The following INPP4B variants were observed in gnomAD, a reference collection of about 807,000 sequenced individuals.
The protein encoded by INPP4B is inositol polyphosphate-4-phosphatase type II B.
INPP4B carries 55 observed loss-of-function variants against 122.5 expected under a neutral mutation model. The observed-to-expected ratio is 0.45, with a 90% CI of 0.36 to 0.56. INPP4B has a LOEUF of 0.56. INPP4B is among the 20% of genes least tolerant of loss of function. INPP4B has a pLI of 0.00. For missense variants in INPP4B, 1,000 were observed against 1,097.7 expected, an observed-to-expected ratio of 0.91 and a Z score of 1.26; for synonymous variants, 403 against 388.7, an observed-to-expected ratio of 1.04 and a Z score of -0.43.
At chr4:142,348,444 T>C (rs1780958168) in intron 7 of INPP4B, among the ~76,000 whole-genome samples, 1 of 152,032 alleles carries the variant, frequency 6.6e-6, no homozygotes, top group Non-Finnish European at 1.5e-5. Flanking sequence ...CAAATCAGGT[T>C]AATTACTGAG....
At chr4:142,199,499 T>A (rs1316925412) in intron 14 of INPP4B, among the ~76,000 whole-genome samples, 1 of 152,072 alleles carries the variant, frequency 6.6e-6, no homozygotes, top group Non-Finnish European at 1.5e-5. Flanking sequence ...TAACTTTTAA[T>A]ATGCTGTCTA....
chr4:142,163,707 C>G (rs1221016201), intron 16 of INPP4B, among the ~76,000 whole-genome samples: 1 of 151,716 alleles, frequency 6.6e-6, no homozygotes, highest in Non-Finnish European at 1.5e-5. Flanking sequence ...TTGGTACTAT[C>G]AGGGGTTTCA....
intron 1 of INPP4B, among the ~76,000 whole-genome samples, chr4:142,737,410 T>G (rs1002378571): frequency 6.6e-6 from 1 of 152,204 alleles, no homozygotes; most frequent in African/African-American, 2.4e-5. Flanking sequence ...GCTAGCTATA[T>G]GTAGAAAGCT....
At chr4:142,120,149 A>C (rs1236960971) in intron 21 of INPP4B, among the ~76,000 whole-genome samples, 2 of 152,020 alleles carry the variant, frequency 1.3e-5, no homozygotes, top group African/African-American at 2.4e-5. Context: ...AAATCAATTG[A>C]CTTTAAAGAT....
At chr4:142,161,257 G>A (rs1052492855) in intron 16 of INPP4B, among the ~76,000 whole-genome samples, 23 of 152,050 alleles carry the variant, frequency 1.5e-4, no homozygotes, top group African/African-American at 3.9e-4. Context: ...TACCTAGTAC[G>A]TACTATAGCA....
At chr4:142,670,137 T>G (rs1056098917) in intron 2 of INPP4B, among the ~76,000 whole-genome samples, 3 of 152,154 alleles carry the variant, frequency 2.0e-5, no homozygotes, top group Non-Finnish European at 4.4e-5. Context: ...AGTCACCTAG[T>G]AGCCATCTAA....
intron 1 of INPP4B, among the ~76,000 whole-genome samples, chr4:142,840,205 G>T (rs1365783198): frequency 6.6e-6 from 1 of 152,108 alleles, no homozygotes; most frequent in Non-Finnish European, 1.5e-5. Flanking sequence ...GACATTAGGG[G>T]ATCTGCTGAA....
chr4:142,705,644 T>C (rs1475527710), intron 2 of INPP4B, among the ~76,000 whole-genome samples: 3 of 152,152 alleles, frequency 2.0e-5, no homozygotes, highest in African/African-American at 4.8e-5. Context: ...AAGGCAGAGA[T>C]TGATTCCTAC....
chr4:142,319,942 T>C (rs373337838), intron 7 of INPP4B, among the ~76,000 whole-genome samples: 12 of 152,164 alleles, frequency 7.9e-5, no homozygotes, highest in East Asian at 5.8e-4. Context: ...TCCACTCAAA[T>C]CTCACGAGGC....
chr4:142,373,663 G>T (rs1271014113), intron 7 of INPP4B, among the ~76,000 whole-genome samples: 3 of 151,946 alleles, frequency 2.0e-5, no homozygotes, highest in African/African-American at 7.2e-5. Flanking sequence ...AAGGCCTAGA[G>T]AAATGTGTCT....
chr4:142,271,638 T>A (rs1353842743), intron 9 of INPP4B, among the ~76,000 whole-genome samples: 1 of 152,128 alleles, frequency 6.6e-6, no homozygotes, highest in Non-Finnish European at 1.5e-5. Flanking sequence ...AAGCAGAACA[T>A]AACCCAAAGC....
At chr4:142,580,528 G>A (rs547542715) in intron 2 of INPP4B, among the ~76,000 whole-genome samples, 4 of 152,060 alleles carry the variant, frequency 2.6e-5, no homozygotes, top group South Asian at 2.1e-4. Context: ...GACTTCACAC[G>A]ACAGCTGTGG....
At chr4:142,311,051 T>A (rs143841542) in intron 8 of INPP4B, among the ~76,000 whole-genome samples, 1 of 151,858 alleles carries the variant, frequency 6.6e-6, no homozygotes, top group African/African-American at 2.4e-5. Flanking sequence ...TAAACTCCTT[T>A]AAAAAAAATT....
intron 1 of INPP4B, among the ~76,000 whole-genome samples, chr4:142,731,877 C>A (rs1489832678): frequency 5.9e-5 from 9 of 152,048 alleles, no homozygotes; most frequent in African/African-American, 2.2e-4. Context: ...AAAATTGCAT[C>A]ATCTCAATAG....
At chr4:142,586,949 A>G (rs1044116702) in intron 2 of INPP4B, among the ~76,000 whole-genome samples, 1 of 152,176 alleles carries the variant, frequency 6.6e-6, no homozygotes, top group Admixed American at 6.6e-5. Flanking sequence ...ATTCTGAAAT[A>G]TGGTGGAAGT....
rs193302420 is a variant in INPP4B at position 142,533,478 on chromosome 4, A to T, written c.-190-70752T>A. On this transcript the variant is annotated intron_variant, in intron 2 of 25. Coordinates refer to ENST00000262992, the MANE Select transcript of INPP4B (RefSeq NM_001101669.3). ...TATAAAAAATATTTATTTTTTTTTT[A>T]AAAATAATGCTGAGCTTTATAATAC... is the stretch of plus-strand genomic sequence containing the variant. Among the ~76,000 whole-genome samples, 1,122 of 151,826 alleles carry T rather than the reference A, an allele frequency of 7.4e-3. 13 individuals carry two copies. The highest frequency in any genetic ancestry group is 0.021 in the African/African-American group (884 of 41,458).
chr4:142,587,132 A>AT (rs975073905), intron 2 of INPP4B, among the ~76,000 whole-genome samples: 2 of 152,140 alleles, frequency 1.3e-5, no homozygotes, highest in East Asian at 1.9e-4. Context: ...GAAATAACTG[A>AT]TTTTTTAAAT....
chr4:142,207,898 C>G (rs1843220873), intron 14 of INPP4B, among the ~76,000 whole-genome samples: 1 of 151,990 alleles, frequency 6.6e-6, no homozygotes, highest in African/African-American at 2.4e-5. Flanking sequence ...TCAGAAAAAC[C>G]TATATATTTC....
chr4:142,341,930 C>T (rs1009769539), intron 7 of INPP4B, among the ~76,000 whole-genome samples: 13 of 152,100 alleles, frequency 8.5e-5, no homozygotes, highest in African/African-American at 3.1e-4. Flanking sequence ...CCAGTTAAGC[C>T]TCCAGATGAG....
Sources: gnomAD v4.1 joint callset for allele counts (sites outside exome capture counted in the v4.1 genomes callset) on GRCh38, gnomAD v4.1.1 for gene constraint, MANE v1.5 for transcripts, NCBI Gene and HGNC (gene_info 2026-07-23, HGNC 2026-07-21) for gene names.